Variants in NCKAP5 observed in about 807,000 individuals in gnomAD.
NCKAP5 encodes NCK associated protein 5, also known as nck-associated protein 5.
Under a neutral mutation model 167.0 loss-of-function variants are expected in NCKAP5, and 92 were observed. That is an observed-to-expected ratio of 0.55 (90% confidence interval 0.47 to 0.66). The LOEUF (loss-of-function observed/expected upper bound fraction) is 0.66, where lower values mean the gene tolerates loss of function less well. Ranked by LOEUF, NCKAP5 falls within the 30% of genes least tolerant of loss-of-function variation. The probability of loss-of-function intolerance (pLI) is 0.00; values close to 1 mark genes in which losing one functional copy is unlikely to be tolerated. For synonymous variants in NCKAP5, 891 were observed against 877.4 expected, an observed-to-expected ratio of 1.02 and a Z score of -0.27; for missense variants, 2,378 against 2,315.0, an observed-to-expected ratio of 1.03 and a Z score of -0.56.
At chr2:132,711,810 C>A (rs1688868916) in intron 19 of NCKAP5, among the ~76,000 whole-genome samples, 1 of 152,146 alleles carries the variant, frequency 6.6e-6, no homozygotes, top group East Asian at 1.9e-4. Flanking sequence ...TTCCCTTCCT[C>A]CCTCCCTGCC....
intron 8 of NCKAP5, among the ~76,000 whole-genome samples, chr2:132,883,205 TACACACACAC>T (rs3044408): frequency 8.6e-5 from 12 of 139,650 alleles, no homozygotes; most frequent in African/African-American, 1.6e-4. Flanking sequence ...CTGACTCAAA[TACACACACAC>T]ACACACACAC....
At chr2:133,517,232 G>A (rs1575092586) in intron 3 of NCKAP5, among the ~76,000 whole-genome samples, 1 of 152,296 alleles carries the variant, frequency 6.6e-6, no homozygotes, top group East Asian at 1.9e-4. Context: ...TATATATAAT[G>A]TTGACAGATT....
intron 5 of NCKAP5, among the ~76,000 whole-genome samples, chr2:133,141,649 TTTC>T (rs1439117753): frequency 6.6e-6 from 1 of 152,178 alleles, no homozygotes; most frequent in African/African-American, 2.4e-5. Context: ...TAATGATTAA[TTTC>T]TTACAACTAC....
intron 6 of NCKAP5, among the ~76,000 whole-genome samples, chr2:133,103,976 G>A (rs2081600845): frequency 7.0e-6 from 1 of 142,420 alleles, no homozygotes; most frequent in Non-Finnish European, 1.6e-5. Context: ...ATAAACTGAG[G>A]TGACTTTTTT....
intron 3 of NCKAP5, among the ~76,000 whole-genome samples, chr2:133,473,311 G>A (rs938764309): frequency 8.6e-5 from 13 of 151,330 alleles, no homozygotes; most frequent in South Asian, 4.2e-4. Context: ...CAGCCTGGGC[G>A]ACAGAGCGAG....
the NCKAP5 span, among the ~76,000 whole-genome samples, chr2:133,666,752 T>G: frequency 3.3e-5 from 5 of 151,976 alleles, no homozygotes; most frequent in Non-Finnish European, 7.4e-5. Flanking sequence ...TAACATCAAT[T>G]GGTAAAATGC....
chr2:133,607,014 G>T, the NCKAP5 span, among the ~76,000 whole-genome samples: 1 of 152,158 alleles, frequency 6.6e-6, no homozygotes, highest in African/African-American at 2.4e-5. Context: ...GGGAGCTTGA[G>T]AATGAAGGAC....
chr2:132,934,443 GGTACCT>G (rs1279011725), intron 8 of NCKAP5, among the ~76,000 whole-genome samples: 1 of 152,050 alleles, frequency 6.6e-6, no homozygotes, highest in African/African-American at 2.4e-5. Context: ...CTTAGTGGCG[GGTACCT>G]GTAATCCCAG....
chr2:132,687,205 C>A (rs1186843993), intron 19 of NCKAP5, among the ~76,000 whole-genome samples: 1 of 152,106 alleles, frequency 6.6e-6, no homozygotes, highest in Non-Finnish European at 1.5e-5. Context: ...TGGGGTCCAT[C>A]CCTAAAATAA....
chr2:133,635,497 G>A, the NCKAP5 span, among the ~76,000 whole-genome samples: 224 of 152,132 alleles, frequency 1.5e-3, 2 homozygotes, highest in South Asian at 4.8e-3. Context: ...AAAACTCCTT[G>A]GTAATATAAA....
chr2:132,850,654 CAGTTTCATAG>C (rs1393089047), intron 11 of NCKAP5, among the ~76,000 whole-genome samples: 2 of 152,144 alleles, frequency 1.3e-5, no homozygotes, highest in Non-Finnish European at 2.9e-5. Context: ...TCAGCCAACC[CAGTTTCATAG>C]AAACACTTTG....
intron 11 of NCKAP5, among the ~76,000 whole-genome samples, chr2:132,807,347 G>T (rs1475540270): frequency 6.6e-6 from 1 of 152,084 alleles, no homozygotes; most frequent in African/African-American, 2.4e-5. Flanking sequence ...ATTGTTTTTG[G>T]TAGTATGGTC....
intron 11 of NCKAP5, among the ~76,000 whole-genome samples, chr2:132,801,767 G>T (rs536073436): frequency 6.6e-6 from 1 of 152,308 alleles, no homozygotes; most frequent in African/African-American, 2.4e-5. Context: ...TCTCTGTGCA[G>T]TTCTGCATCT....
chr2:133,403,018 A>G (rs936724215), intron 3 of NCKAP5, among the ~76,000 whole-genome samples: 3 of 152,182 alleles, frequency 2.0e-5, no homozygotes, highest in African/African-American at 7.2e-5. Context: ...GTTAACTTTT[A>G]TGTCCCAATG....
intron 3 of NCKAP5, among the ~76,000 whole-genome samples, chr2:133,346,649 C>T (rs78688975): frequency 1.1e-3 from 164 of 152,310 alleles, no homozygotes; most frequent in African/African-American, 3.7e-3. Flanking sequence ...AAGTGGCCCA[C>T]GCAAGGAGCA....
intron 3 of NCKAP5, among the ~76,000 whole-genome samples, chr2:133,408,509 C>G (rs781303334): frequency 6.6e-6 from 1 of 151,994 alleles, no homozygotes; most frequent in Non-Finnish European, 1.5e-5. Context: ...TAAAGCAATC[C>G]GCAAATATTT....
intron 7 of NCKAP5, among the ~76,000 whole-genome samples, chr2:132,985,667 A>G (rs2077268360): frequency 6.6e-6 from 1 of 152,188 alleles, no homozygotes; most frequent in Admixed American, 6.5e-5. Context: ...TGCCACTTAA[A>G]ACAAAAGAGG....
the NCKAP5 span, among the ~76,000 whole-genome samples, chr2:133,645,575 T>A: frequency 6.6e-6 from 1 of 152,192 alleles, no homozygotes; most frequent in African/African-American, 2.4e-5. Context: ...TCATTTCATT[T>A]ATTTGTGTTT....
chr2:133,373,665 C>T (rs774747651), intron 3 of NCKAP5, among the ~76,000 whole-genome samples: 2 of 152,166 alleles, frequency 1.3e-5, no homozygotes, highest in Non-Finnish European at 2.9e-5. Context: ...TCAAAATGCA[C>T]TACATGGAGA....
Sources: allele counts gnomAD v4.1 joint callset (sites outside exome capture counted in the v4.1 genomes callset), GRCh38; gene constraint gnomAD v4.1.1; transcripts MANE v1.5; gene names NCBI Gene and HGNC (gene_info 2026-07-23, HGNC 2026-07-21).